MX1: variants seen among roughly 807,000 people sequenced by gnomAD.
MX1 encodes the protein interferon-induced GTP-binding protein Mx1.
Under a neutral mutation model 66.4 loss-of-function variants are expected in MX1, and 66 were observed. The observed-to-expected ratio is 0.99, with a 90% CI of 0.82 to 1.22. The LOEUF (loss-of-function observed/expected upper bound fraction) is 1.22. MX1 is among the 50% of genes most tolerant of loss of function. MX1 has a pLI of 0.00. For missense variants in MX1, 787 were observed against 834.3 expected, an observed-to-expected ratio of 0.94 and a Z score of 0.70; for synonymous variants, 311 against 318.1, an observed-to-expected ratio of 0.98 and a Z score of 0.24.
intron 5 of MX1, among the ~76,000 whole-genome samples, chr21:41,435,430 G>A (rs1399610733): frequency 6.6e-6 from 1 of 152,166 alleles, no homozygotes; most frequent in Non-Finnish European, 1.5e-5. Context: ...TTAATGGAGT[G>A]TATTGGTTCA....
Position 41,452,816 on chromosome 21 carries a change from G to T in MX1, c.1705G>T (p.Ala569Ser). ...WDFGAFQSSS[A>S]TDSSMEEIFQ... ...TTTTGGGGCTTTCCAGTCCAGCTCG[G>T]CAACAGACTCTTCCATGGAGGAGAT... Residue 569 changes from alanine (A) to serine (S), a missense_variant, in exon 16 of 17, where the codon GCA becomes TCA. Transcript: ENST00000398598. 6.2e-7 allele frequency: 1 copy of T among 1,614,152 alleles called. No homozygotes were observed. Among genetic ancestry groups the T allele is most frequent in the Non-Finnish European group, 8.5e-7 (1 of 1,180,032 alleles).
chr21:41,438,439 G>T (rs911638575), intron 7 of MX1, among the ~76,000 whole-genome samples: 2 of 152,160 alleles, frequency 1.3e-5, no homozygotes, highest in Non-Finnish European at 2.9e-5. Context: ...ATGGCCCTTG[G>T]CTGGAGTGAC....
intron 10 of MX1, chr21:41,443,470 G>T (rs571559373): frequency 3.8e-5 from 12 of 315,440 alleles, no homozygotes; most frequent in East Asian, 3.3e-4. Flanking sequence ...ATAGAAGGGG[G>T]TATGTGTTAT....
Position 41,441,099 on chromosome 21 carries a change from C to G in MX1, c.730+74C>G. 1 of 1,320,814 alleles carries G rather than the reference C, an allele frequency of 7.6e-7. No individual in the cohort carries two copies. The highest frequency in any genetic ancestry group is 1.0e-6 in the Non-Finnish European group (1 of 987,068). 81.8% of individuals were successfully genotyped at this position (1,320,814 alleles called of 1,614,324 possible). A position where few individuals can be genotyped will look rare whatever the true frequency, so the allele number is the denominator to read the frequency against. On this transcript the variant is annotated intron_variant, in intron 9 of 16. Transcript: ENST00000398598. The surrounding 1 kb of genome is among the most constrained non-coding windows in gnomAD (Gnocchi z 4.0). ...CCTGTGCTCGGTGAGAATGGGGGAG[C>G]CCACCTGTGCTCGGTGAGAATGGGG...
At chr21:41,447,350 A>C (rs1427649115) in intron 13 of MX1, among the ~76,000 whole-genome samples, 2 of 152,100 alleles carry the variant, frequency 1.3e-5, no homozygotes, top group Non-Finnish European at 2.9e-5. Context: ...TCAGATTCTG[A>C]GTTTCTGAGG....
In MX1 at chr21:41,446,058, G is replaced by T. The variant is rs1425051927; in HGVS notation, c.1190G>T (p.Gly397Val). Residue 397 changes from glycine to valine, a missense_variant, in exon 13 of 17, where the codon GGG becomes GTG. Physicochemically the swap from Gly to Val is moderately radical, Grantham distance 109. Transcript: ENST00000398598. ...CTCATGCAAGGAGAGGAAACTGTAG[G>T]GGAGGAAGACATTCGGCTGTTTACC... ...TALMQGEETV[G>V]EEDIRLFTRL... 6.2e-7 allele frequency: 1 copy of T among 1,614,030 alleles called. No homozygotes were observed. Among genetic ancestry groups the T allele is most frequent in the Non-Finnish European group, 8.5e-7 (1 of 1,180,030 alleles).
chr21:41,442,007 G>GTGTGTA, intron 10 of MX1, 93 bp downstream of exon 10: 1 of 677,924 alleles, frequency 1.5e-6, no homozygotes, highest in Non-Finnish European at 2.2e-6. Context: ...GATGTGTGGA[G>GTGTGTA]TGTGTGTGTG....
rs3737400 is a variant in MX1, at chr21:41,451,462, A to G, written c.1509+219A>G. 0.5 allele frequency among the ~76,000 whole-genome samples: 76,568 copies of G among 151,644 alleles called. 20,629 individuals are homozygous for G. Among genetic ancestry groups the G allele is most frequent in the African/African-American group, 0.71 (29,096 of 41,264 alleles). On this transcript the variant is annotated intron_variant, in intron 15 of 16. Transcript: ENST00000398598. ...TAAACGCACAGAACAAGAGATCCAC[A>G]GTTAGCGGAGAAGATTATCACATCT...
intron 7 of MX1, 68 bp from the exon 8 acceptor site, chr21:41,439,626 A>G: frequency 6.9e-7 from 1 of 1,445,398 alleles, no homozygotes; most frequent in Non-Finnish European, 9.7e-7. Flanking sequence ...CTTTCAGAGT[A>G]TTCACCATCA....
chr21:41,447,361 G>A (rs1481278235), intron 13 of MX1, among the ~76,000 whole-genome samples: 1 of 152,124 alleles, frequency 6.6e-6, no homozygotes, highest in Non-Finnish European at 1.5e-5. Flanking sequence ...GTTTCTGAGG[G>A]TTAGGACTTC....
intron 13 of MX1, 150 bp downstream of exon 13, chr21:41,446,291 G>A (rs901114199): frequency 4.3e-5 from 32 of 751,774 alleles, no homozygotes; most frequent in Non-Finnish European, 6.7e-5. Context: ...GTGAGAGCTT[G>A]TTCTCTGCTT....
intron 7 of MX1, among the ~76,000 whole-genome samples, chr21:41,439,289 C>G (rs970678954): frequency 6.6e-6 from 1 of 152,098 alleles, no homozygotes; most frequent in Non-Finnish European, 1.5e-5. Flanking sequence ...AAGCACATTT[C>G]CCCATATAAT....
chr21:41,449,769 C>G (rs2075809), intron 14 of MX1: 50,801 of 152,550 alleles, frequency 0.33, 9,247 homozygotes, highest in African/African-American at 0.48. Flanking sequence ...GGGCACCATC[C>G]TCATGGCACA....
chr21:41,443,964 T>G (rs1441688219), intron 11 of MX1, 98 bp downstream of exon 11: 7 of 1,133,862 alleles, frequency 6.2e-6, no homozygotes, highest in Non-Finnish European at 9.2e-6. Flanking sequence ...ACACAGATCT[T>G]CTGAGGATCT....
chr21:41,435,826 G>T lies in MX1; in HGVS notation c.106-11G>T, dbSNP rs746603883. 3 of 1,591,458 alleles carry T rather than the reference G, an allele frequency of 1.9e-6. No homozygotes were observed. The highest frequency in any genetic ancestry group is 3.5e-5 in the Admixed American group (2 of 57,746). On this transcript the variant is annotated splice_polypyrimidine_tract_variant and intron_variant, in intron 5 of 16. Transcript: ENST00000398598. ...AGGCCATGAAGAATTCTCCATTTTT[G>T]TTTCCTCCAGGTGGCTGAGAACAAC...
intron 14 of MX1, 113 bp downstream of exon 14, chr21:41,449,408 A>G: frequency 9.5e-7 from 1 of 1,049,534 alleles, no homozygotes; most frequent in Non-Finnish European, 1.4e-6. Flanking sequence ...CACACCAACG[A>G]GCAAACCTCT....
At position 41,452,633 on chromosome 21, in the gene MX1, G is replaced by A; in HGVS notation, c.1522G>A (p.Asp508Asn). Residue 508 changes from aspartate (D) to asparagine (N), a missense_variant, in exon 16 of 17, where the codon GAC becomes AAC. Coordinates refer to ENST00000398598, the MANE Select transcript of MX1 (RefSeq NM_002462.5). ...TTTTTTACTGTAGTCCAAAATTGAA[G>A]ACATTAGAGCAGAACAAGAGAGAGA... is the stretch of plus-strand genomic sequence containing the variant. ...LHRTAKSKIE[D>N]IRAEQEREGE... is the part of the protein sequence containing the mutation. The A allele has an allele frequency of 6.3e-7, 1 of 1,595,640 alleles. No homozygotes were observed. The highest frequency in any genetic ancestry group is 1.2e-5 in the South Asian group (1 of 86,728).
chr21:41,451,097 A>AT, intron 14 of MX1, 70 bp from the exon 15 acceptor site: 5 of 1,049,938 alleles, frequency 4.8e-6, no homozygotes, highest in South Asian at 2.6e-5. Context: ...TGATCCTCAT[A>AT]TTTTTTTGCA....
intron 7 of MX1, among the ~76,000 whole-genome samples, chr21:41,438,312 G>T (rs1457376028): frequency 1.3e-5 from 2 of 152,270 alleles, no homozygotes; most frequent in Admixed American, 6.5e-5. Context: ...CTTAGCCCTT[G>T]CTGTATAACA....
Sources: allele counts gnomAD v4.1 joint callset (sites outside exome capture counted in the v4.1 genomes callset), GRCh38; gene constraint gnomAD v4.1.1; non-coding constraint Gnocchi (gnomAD v3.1); transcripts MANE v1.5; gene names NCBI Gene and HGNC (gene_info 2026-07-23, HGNC 2026-07-21).